PCM1: variants seen among roughly 807,000 people sequenced by gnomAD.
PCM1 encodes the protein pericentriolar material 1 protein.
A neutral mutation model predicts 241.9 loss-of-function variants in PCM1; 157 were observed. The ratio of observed to expected loss-of-function variants is 0.65; its 90% CI spans 0.57 to 0.74. The LOEUF is 0.74. PCM1 is among the 30% of genes least tolerant of loss of function. The pLI is 0.00. For missense variants in PCM1, 3,478 were observed against 2,360.1 expected (o/e 1.47, Z -9.81); for synonymous variants, 1,085 against 784.9 (o/e 1.38, Z -6.39).
chr8:18,005,902 A>G (rs947248818), intron 29 of PCM1, among the ~76,000 whole-genome samples: 1 of 152,170 alleles, frequency 6.6e-6, no homozygotes, highest in Non-Finnish European at 1.5e-5. Context: ...TATGCTTGTA[A>G]GAGTATTTGA....
At chr8:18,011,602 A>G (rs759138714) in intron 33 of PCM1, 65 bp from the exon 34 acceptor site, 70 of 1,402,730 alleles carry the variant, frequency 5.0e-5, no homozygotes, top group East Asian at 7.4e-5. Flanking sequence ...GGAATGCAGT[A>G]AGTGGTAGCT....
At chr8:17,981,270 T>C (rs1158235754) in intron 24 of PCM1, among the ~76,000 whole-genome samples, 2 of 152,214 alleles carry the variant, frequency 1.3e-5, no homozygotes, top group Non-Finnish European at 2.9e-5. Context: ...TAGCTGTTTT[T>C]CTATCTCAAG....
At chr8:17,992,257 C>G (rs1462197872) in intron 28 of PCM1, among the ~76,000 whole-genome samples, 1 of 152,112 alleles carries the variant, frequency 6.6e-6, no homozygotes, top group Non-Finnish European at 1.5e-5. Context: ...TGGGCAGATA[C>G]CTAGTAGTGA....
At chr8:17,988,562 T>C (rs1297465153) in intron 26 of PCM1, among the ~76,000 whole-genome samples, 1 of 151,782 alleles carries the variant, frequency 6.6e-6, no homozygotes, top group African/African-American at 2.4e-5. Context: ...TTAACAAAAA[T>C]AGGAATTTTC....
At chr8:17,986,114 T>C (rs2082495224) in intron 26 of PCM1, 27 bp downstream of exon 26, 1 of 1,446,870 alleles carries the variant, frequency 6.9e-7, no homozygotes. Flanking sequence ...TAGTGAATTG[T>C]AGATATAATT....
At chr8:17,971,086 A>T (rs537100313) in intron 22 of PCM1, among the ~76,000 whole-genome samples, 1 of 152,350 alleles carries the variant, frequency 6.6e-6, no homozygotes, top group South Asian at 2.1e-4. Context: ...GTGTTCTGCA[A>T]TAACACTTTA....
At chr8:17,946,978 G>A (rs908694166) in intron 6 of PCM1, among the ~76,000 whole-genome samples, 1 of 151,718 alleles carries the variant, frequency 6.6e-6, no homozygotes, top group Admixed American at 6.6e-5. Context: ...GCTTTTTACT[G>A]TGAAATTACC....
Position 17,964,718 on chromosome 8 carries a change from T to C in PCM1, c.2805T>C (p.Pro935=). The C allele has an allele frequency of 6.2e-7, 1 of 1,613,900 alleles. No homozygotes were observed. The highest frequency in any genetic ancestry group is 8.5e-7 in the Non-Finnish European group (1 of 1,179,776). ...ASSNDNFSVC[P]SNSVNHNSYN... is the part of the protein sequence containing the mutation. The stretch of plus-strand genomic sequence containing the variant: ...CCAATGATAACTTTTCTGTGTGTCC[T>C]TCTAACAGTGTGAATCATAACTCCT... The change falls in exon 18 of 39, where the codon CCT becomes CCC. Residue 935 remains proline, a synonymous_variant. Coordinates refer to ENST00000325083, the MANE Select transcript of PCM1 (RefSeq NM_006197.4).
At chr8:18,021,488 T>TA (rs1345136661) in intron 36 of PCM1, among the ~76,000 whole-genome samples, 5 of 152,304 alleles carry the variant, frequency 3.3e-5, no homozygotes, top group Middle Eastern at 3.4e-3. Flanking sequence ...GATTGGGACT[T>TA]ACCCTTATAG....
chr8:17,926,308 T>G (rs1366293162), intron 2 of PCM1: 1 of 152,124 alleles, frequency 6.6e-6, no homozygotes, highest in Non-Finnish European at 1.5e-5. Flanking sequence ...ATTTGAGACT[T>G]GGAGAAACTA....
In PCM1 at chr8:17,947,288, C is replaced by T. The variant is rs1396045106; in HGVS notation, c.886C>T (p.Leu296=). ...MLQQQEQLRA[L]QGRQAALLAL... is the part of the protein sequence containing the mutation. Reference sequence around the variant, plus strand: ...ACAACAGCAGGAGCAACTAAGAGCTCTACAGGGACGGCAGGCTGCACTTCT... The same window carrying T: ...ACAACAGCAGGAGCAACTAAGAGCTTTACAGGGACGGCAGGCTGCACTTCT... The change falls in exon 7 of 39, where the codon CTA becomes TTA. Residue 296 remains leucine, a synonymous_variant. Transcript: ENST00000325083. The T allele has an allele frequency of 1.2e-6, 2 of 1,612,856 alleles. No individual in the cohort carries two copies. The highest frequency in any genetic ancestry group is 1.7e-5 in the Admixed American group (1 of 59,958).
rs765115113 is a variant in PCM1 at position 17,972,434 on chromosome 8, G to A, written c.3690G>A (p.Val1230=). 3.7e-5 allele frequency: 59 copies of A among 1,612,772 alleles called. No homozygotes were observed. Among genetic ancestry groups the A allele is most frequent in the Non-Finnish European group, 4.6e-5 (54 of 1,179,270 alleles). ...EKPFIKTGFS[V]SVEKSTSSNR... Reference sequence around the variant, plus strand: ...CATTTATCAAGACTGGATTTTCAGTGTCTGTAGAAAAATCTACAAGTAGTA... The same window carrying A: ...CATTTATCAAGACTGGATTTTCAGTATCTGTAGAAAAATCTACAAGTAGTA... Residue 1230 remains valine, a synonymous_variant, in exon 23 of 39, where the codon GTG becomes GTA. Transcript: ENST00000325083.
chr8:17,956,834 A>T, intron 11 of PCM1, 57 bp downstream of exon 11: 25 of 1,302,132 alleles, frequency 1.9e-5, no homozygotes, highest in Non-Finnish European at 2.7e-5. Flanking sequence ...TGATACTTAT[A>T]ATGTGGGAAC....
chr8:18,011,545 C>G, intron 33 of PCM1, 122 bp from the exon 34 acceptor site: 2 of 1,088,840 alleles, frequency 1.8e-6, no homozygotes, highest in Non-Finnish European at 2.6e-6. Flanking sequence ...TTAATACATT[C>G]TGTTTGAGGA....
chr8:18,013,869 G>A (rs2092818271), intron 34 of PCM1, 95 bp from the exon 35 acceptor site: 4 of 706,928 alleles, frequency 5.7e-6, no homozygotes, highest in Non-Finnish European at 9.5e-6. Context: ...TTGTATGAAG[G>A]TCTTGGGTTG....
chr8:17,964,990 C>T (rs771954363), intron 18 of PCM1, among the ~76,000 whole-genome samples: 9 of 152,274 alleles, frequency 5.9e-5, no homozygotes, highest in Non-Finnish European at 8.8e-5. Context: ...TTGGTCCCCA[C>T]GTTACCCACA....
intron 26 of PCM1, among the ~76,000 whole-genome samples, chr8:17,986,564 A>G (rs989352520): frequency 2.0e-5 from 3 of 151,714 alleles, no homozygotes; most frequent in Non-Finnish European, 3.0e-5. Context: ...AAAATTTTGA[A>G]TAGAGTAAAA....
Position 17,957,874 on chromosome 8 carries a change from C to T in PCM1, c.2040+99C>T, listed in dbSNP as rs907020970. 15 of 774,940 alleles carry T rather than the reference C, an allele frequency of 1.9e-5. No homozygotes were observed. In the South Asian group the frequency reaches 2.3e-4, roughly 12 times the overall value. The allele number at this position is 774,940 out of a possible 1,614,324, so 48.0% of individuals were successfully genotyped here. ...TTACTTTGGTTTAATTATACTAATA[C>T]ACATTTATGTATCATATGTGAGGTT... On this transcript the variant is annotated intron_variant, in intron 13 of 38. Transcript: ENST00000325083.
intron 29 of PCM1, among the ~76,000 whole-genome samples, chr8:17,997,697 C>A (rs1265812068): frequency 6.6e-6 from 1 of 151,906 alleles, no homozygotes; most frequent in African/African-American, 2.4e-5. Flanking sequence ...TAAATTATCT[C>A]AATCTGTTTA....
Sources: allele counts gnomAD v4.1 joint callset (sites outside exome capture counted in the v4.1 genomes callset), GRCh38; gene constraint gnomAD v4.1.1; transcripts MANE v1.5; gene names NCBI Gene and HGNC (gene_info 2026-07-23, HGNC 2026-07-21).